The following GCNT4 variants were observed in gnomAD, a reference collection of about 807,000 sequenced individuals.
GCNT4 encodes glucosaminyl (N-acetyl) transferase 4, also known as beta-1,3-galactosyl-O-glycosyl-glycoprotein beta-1,6-N-acetylglucosaminyltransferase 4.
A neutral mutation model predicts 31.3 loss-of-function variants in GCNT4; 17 were observed. The ratio of observed to expected loss-of-function variants is 0.54; its 90% CI spans 0.37 to 0.81. The LOEUF is 0.81. GCNT4 is among the 40% of genes least tolerant of loss of function. The pLI is 0.00. For missense variants in GCNT4, 503 were observed against 525.5 expected (o/e 0.96, Z 0.42); for synonymous variants, 158 against 190.6 (o/e 0.83, Z 1.41).
chr5:75,035,247 A>C (rs1580239268), intron 3 of GCNT4, among the ~76,000 whole-genome samples: 2 of 152,254 alleles, frequency 1.3e-5, no homozygotes, highest in Non-Finnish European at 2.9e-5. Context: ...CTCTTCAACT[A>C]ACTCTTCTTA....
At chr5:75,018,905 AGAGG>A in the GCNT4 span, among the ~76,000 whole-genome samples, 1 of 152,156 alleles carries the variant, frequency 6.6e-6, no homozygotes, top group South Asian at 2.1e-4. Context: ...CTGGGGATGC[AGAGG>A]GAGGATGACG....
At chr5:75,019,365 A>G in the GCNT4 span, among the ~76,000 whole-genome samples, 1 of 152,274 alleles carries the variant, frequency 6.6e-6, no homozygotes, top group Non-Finnish European at 1.5e-5. Context: ...TAAGTCATCT[A>G]GCCTGTGGTG....
chr5:75,033,905 C>T (rs1390117936), intron 3 of GCNT4, among the ~76,000 whole-genome samples: 2 of 152,022 alleles, frequency 1.3e-5, no homozygotes, highest in African/African-American at 4.8e-5. Flanking sequence ...TCTCACTGTT[C>T]AACTCCCACT....
At chr5:75,052,559 G>C (rs1175616811), upstream of GCNT4, 6 of 152,196 alleles carry the variant, frequency 3.9e-5, no homozygotes, top group African/African-American at 1.4e-4. Context: ...GGCCCGCTCT[G>C]CGGCACAAAA....
intron 3 of GCNT4, among the ~76,000 whole-genome samples, chr5:75,038,572 T>C (rs1280447043): frequency 6.6e-6 from 1 of 152,190 alleles, no homozygotes; most frequent in Non-Finnish European, 1.5e-5. Flanking sequence ...AGGCACAGAT[T>C]TGGTGTCGGT....
At chr5:75,049,470 G>A (rs564413223) in intron 2 of GCNT4, among the ~76,000 whole-genome samples, 1 of 152,132 alleles carries the variant, frequency 6.6e-6, no homozygotes, top group African/African-American at 2.4e-5. Flanking sequence ...AGATCTATTA[G>A]GATGGAAACG....
chr5:75,048,614 G>A (rs1445716151), intron 2 of GCNT4, among the ~76,000 whole-genome samples: 2 of 152,204 alleles, frequency 1.3e-5, no homozygotes, highest in African/African-American at 4.8e-5. Flanking sequence ...TGCAGAATGC[G>A]AAAGCTGAAT....
rs931457334 is a variant in GCNT4 at position 75,029,497 on chromosome 5, T to C, written c.541A>G (p.Lys181Glu). The change falls in exon 4 of 4, where the codon AAG becomes GAG. Residue 181 changes from lysine to glutamate, a missense_variant. Lys to Glu is a moderately conservative substitution (Grantham distance 56). Coordinates refer to ENST00000652361, the MANE Select transcript of GCNT4 (RefSeq NM_001366737.1). ...GCAATGAAAATATTGGAGAAGCACT[T>C]AGCTAAATTGTTCATGGCAACTTTG... ...TFKVAMNNLAKCFSNIFIASK... is the reference protein window; with the variant it reads ...TFKVAMNNLAECFSNIFIASK... 1.2e-6 allele frequency: 2 copies of C among 1,614,100 alleles called. No individual in the cohort carries two copies. Among genetic ancestry groups the C allele is most frequent in the Admixed American group, 3.3e-5 (2 of 60,020 alleles).
chr5:75,045,994 A>T (rs1399446576), intron 3 of GCNT4, among the ~76,000 whole-genome samples: 1 of 152,190 alleles, frequency 6.6e-6, no homozygotes, highest in Non-Finnish European at 1.5e-5. Flanking sequence ...AATTCAATGA[A>T]TGATGTTCAA....
the GCNT4 span, among the ~76,000 whole-genome samples, chr5:75,020,329 T>C: frequency 6.6e-6 from 1 of 152,104 alleles, no homozygotes; most frequent in Admixed American, 6.5e-5. Flanking sequence ...GAGAGAGTAA[T>C]GCTGGGGACC....
chr5:75,034,689 C>T (rs1580238813), intron 3 of GCNT4, among the ~76,000 whole-genome samples: 6 of 152,310 alleles, frequency 3.9e-5, no homozygotes, highest in Admixed American at 3.9e-4. Flanking sequence ...GGCACAAGTT[C>T]CTAGTGATGA....
chr5:75,037,893 C>CAAAAAA (rs1743233128), intron 3 of GCNT4, among the ~76,000 whole-genome samples: 1 of 130,594 alleles, frequency 7.7e-6, no homozygotes, highest in Non-Finnish European at 1.7e-5. Flanking sequence ...AAAAACAAAA[C>CAAAAAA]AAAAAACAAA....
intron 3 of GCNT4, among the ~76,000 whole-genome samples, chr5:75,034,589 T>C (rs1206054823): frequency 6.6e-6 from 1 of 152,198 alleles, no homozygotes; most frequent in Non-Finnish European, 1.5e-5. Context: ...TTACAAATAA[T>C]GCCCCACCCA....
At chr5:75,032,872 GGTGTGTGTGTGTGT>G (rs60551634) in intron 3 of GCNT4, among the ~76,000 whole-genome samples, 2,177 of 130,722 alleles carry the variant, frequency 0.017, 36 homozygotes, top group African/African-American at 0.038. Flanking sequence ...CCCAAATAGG[GGTGTGTGTGTGTGT>G]GTGTGTGTGT....
chr5:75,024,755 G>A (rs960859979), downstream of GCNT4, among the ~76,000 whole-genome samples: 13 of 152,022 alleles, frequency 8.6e-5, no homozygotes, highest in African/African-American at 2.7e-4. Flanking sequence ...TTTGAGACCA[G>A]CCTGGCCAAC....
chr5:75,024,850 C>T (rs1469584290), downstream of GCNT4, among the ~76,000 whole-genome samples: 1 of 147,772 alleles, frequency 6.8e-6, no homozygotes, highest in Non-Finnish European at 1.5e-5. Flanking sequence ...ACTTGGGAGG[C>T]TGAGGCAGGA....
Position 75,029,523 on chromosome 5 carries a change from A to G in GCNT4, c.515T>C (p.Phe172Ser). The G allele has an allele frequency of 6.2e-7, 1 of 1,614,142 alleles. No homozygotes were observed. Among genetic ancestry groups the G allele is most frequent in the South Asian group, 1.1e-5 (1 of 91,074 alleles). Reference protein sequence around the residue: ...IHYDRKAPDTFKVAMNNLAKC... With the variant: ...IHYDRKAPDTSKVAMNNLAKC... ...AGCTAAATTGTTCATGGCAACTTTGAAGGTATCAGGTGCCTTACGATCATA... is the reference window on the plus strand; with the variant it reads ...AGCTAAATTGTTCATGGCAACTTTGGAGGTATCAGGTGCCTTACGATCATA... Residue 172 changes from phenylalanine to serine, a missense_variant, in exon 4 of 4, where the codon TTC becomes TCC. Transcript: ENST00000652361.
upstream of GCNT4, among the ~76,000 whole-genome samples, chr5:75,053,259 G>A (rs966892091): frequency 6.6e-6 from 1 of 151,924 alleles, no homozygotes; most frequent in African/African-American, 2.4e-5. Context: ...TCCGTCCGCC[G>A]CGCGCTCTGG....
At chr5:75,035,665 G>A (rs570868040) in intron 3 of GCNT4, among the ~76,000 whole-genome samples, 10 of 152,268 alleles carry the variant, frequency 6.6e-5, no homozygotes, top group African/African-American at 2.2e-4. Flanking sequence ...CCTCCCAACC[G>A]GGGTCTCCAG....
Sources: allele counts gnomAD v4.1 joint callset (sites outside exome capture counted in the v4.1 genomes callset), GRCh38; gene constraint gnomAD v4.1.1; transcripts MANE v1.5; gene names NCBI Gene and HGNC (gene_info 2026-07-23, HGNC 2026-07-21).